NXPE1: variants seen among roughly 807,000 people sequenced by gnomAD.
NXPE1 encodes the protein NXPE family member 1.
Under a neutral mutation model 33.3 loss-of-function variants are expected in NXPE1, and 31 were observed. That is an observed-to-expected ratio of 0.93 (90% confidence interval 0.70 to 1.26). The LOEUF is 1.26. Ranked by LOEUF, NXPE1 falls within the 50% of genes most tolerant of loss-of-function variation. The pLI is 0.00. For missense variants in NXPE1, 661 were observed against 655.6 expected, an observed-to-expected ratio of 1.01 and a Z score of -0.09; for synonymous variants, 229 against 231.4, an observed-to-expected ratio of 0.99 and a Z score of 0.09.
At chr11:114,528,402 C>CT (rs1471139926) in intron 6 of NXPE1, among the ~76,000 whole-genome samples, 1 of 152,166 alleles carries the variant, frequency 6.6e-6, no homozygotes, top group Non-Finnish European at 1.5e-5. Flanking sequence ...GGAATCCAGC[C>CT]TTTTTGGGTG....
chr11:114,553,789 G>C, intron 1 of NXPE1: 1 of 982,448 alleles, frequency 1.0e-6, no homozygotes, highest in Non-Finnish European at 1.2e-6. Flanking sequence ...CCCAGCCTTT[G>C]CTGGCTTATG....
chr11:114,527,314 C>T (rs1947399813), intron 7 of NXPE1: 1 of 152,166 alleles, frequency 6.6e-6, no homozygotes, highest in African/African-American at 2.4e-5. Context: ...AAGTAAGTAT[C>T]ATGATGGATG....
chr11:114,536,544 T>C (rs1372686937), intron 5 of NXPE1, among the ~76,000 whole-genome samples: 4 of 151,468 alleles, frequency 2.6e-5, no homozygotes, highest in Admixed American at 6.6e-5. Context: ...GCAAGACTAA[T>C]AAAGAAGAAA....
intron 2 of NXPE1, among the ~76,000 whole-genome samples, chr11:114,552,497 A>G (rs999194560): frequency 3.3e-5 from 5 of 152,202 alleles, no homozygotes; most frequent in Non-Finnish European, 5.9e-5. Flanking sequence ...TCAAAACAGA[A>G]TCCCGATTTT....
At chr11:114,554,335 C>G (rs1357577906) in intron 1 of NXPE1, 2 of 985,102 alleles carry the variant, frequency 2.0e-6, no homozygotes, top group African/African-American at 3.5e-5. Flanking sequence ...TCTCTTTCCT[C>G]TTCCTACTTG....
rs1459209911 is a variant in NXPE1 at position 114,559,875 on chromosome 11, A to C, written c.-288T>G. 1 of 152,016 alleles carries C rather than the reference A, an allele frequency of 6.6e-6. No homozygotes were observed. The highest frequency in any genetic ancestry group is 1.5e-5 in the Non-Finnish European group (1 of 68,018). The allele number at this position is 152,016 out of a possible 1,614,324, so 9.4% of individuals were successfully genotyped here. A position where few individuals can be genotyped will look rare whatever the true frequency, so the allele number is the denominator to read the frequency against. Reference sequence around the variant, plus strand: ...TTAACTGGCTCTTGTGGCTGTGTAAAATGTTTTTGTTCCTTGTCTGTGAAC... The same window carrying C: ...TTAACTGGCTCTTGTGGCTGTGTAACATGTTTTTGTTCCTTGTCTGTGAAC... On this transcript the variant is annotated 5_prime_UTR_variant, in exon 1 of 9. It adds an upstream start codon to the 5' untranslated region. Transcript: ENST00000534921.
chr11:114,554,032 C>T (rs1275449557), intron 1 of NXPE1: 2 of 985,336 alleles, frequency 2.0e-6, no homozygotes, highest in African/African-American at 1.7e-5. Flanking sequence ...ATGTCTTCTA[C>T]TTTTTCTTCT....
At chr11:114,530,572 G>A in exon 6 of NXPE1, 1 of 1,613,962 alleles carries the variant, frequency 6.2e-7, no homozygotes, top group Non-Finnish European at 8.5e-7. Flanking sequence ...GTCAGTGCTG[G>A]GGAGGACATC....
At chr11:114,539,779 A>G (rs11215048) in intron 5 of NXPE1, among the ~76,000 whole-genome samples, 34,420 of 152,006 alleles carry the variant, frequency 0.23, 5,488 homozygotes, top group African/African-American at 0.44. Flanking sequence ...CAAATAAACC[A>G]ATCAAAAGAA....
At chr11:114,528,132 G>T (rs1233634335) in intron 6 of NXPE1, among the ~76,000 whole-genome samples, 2 of 152,144 alleles carry the variant, frequency 1.3e-5, no homozygotes, top group Non-Finnish European at 2.9e-5. Flanking sequence ...TCTGCCACAT[G>T]TAATCAGTGT....
At chr11:114,557,515 T>A (rs932626740) in intron 1 of NXPE1, among the ~76,000 whole-genome samples, 3 of 151,230 alleles carry the variant, frequency 2.0e-5, no homozygotes, top group Non-Finnish European at 4.4e-5. Context: ...GGACTGGAAC[T>A]ACTGGGCTCA....
At chr11:114,547,911 G>T (rs1411448180) in intron 5 of NXPE1, among the ~76,000 whole-genome samples, 1 of 152,030 alleles carries the variant, frequency 6.6e-6, no homozygotes, top group Admixed American at 6.6e-5. Flanking sequence ...TGGGTACAGG[G>T]TATAGAAGAA....
At chr11:114,544,635 C>T (rs975045558) in intron 5 of NXPE1, among the ~76,000 whole-genome samples, 3 of 152,106 alleles carry the variant, frequency 2.0e-5, no homozygotes, top group Non-Finnish European at 4.4e-5. Flanking sequence ...AGAAAACACA[C>T]ATGAAAATCT....
intron 7 of NXPE1, among the ~76,000 whole-genome samples, chr11:114,527,456 T>C (rs57269999): frequency 0.019 from 2,900 of 152,272 alleles, 95 homozygotes; most frequent in African/African-American, 0.067. Flanking sequence ...CCATATAAAA[T>C]TGGTAATTGC....
intron 1 of NXPE1, among the ~76,000 whole-genome samples, chr11:114,556,021 C>T (rs1334025914): frequency 6.6e-6 from 1 of 151,958 alleles, no homozygotes; most frequent in African/African-American, 2.4e-5. Flanking sequence ...TGGTAAGTAC[C>T]TAAGGGTGGA....
intron 5 of NXPE1, 144 bp from the exon 6 acceptor site, chr11:114,531,052 G>A (rs942694811): frequency 1.2e-6 from 1 of 832,078 alleles, no homozygotes; most frequent in Non-Finnish European, 1.7e-6. Flanking sequence ...GTAATAAAGT[G>A]GCATAATAAA....
At chr11:114,546,958 G>A (rs7938685) in intron 5 of NXPE1, among the ~76,000 whole-genome samples, 3,178 of 152,276 alleles carry the variant, frequency 0.021, 118 homozygotes, top group African/African-American at 0.073. Context: ...TCACACTGAT[G>A]TAAATGAATG....
intron 7 of NXPE1, chr11:114,527,027 G>A (rs577067083): frequency 2.6e-5 from 4 of 152,262 alleles, no homozygotes; most frequent in Admixed American, 6.5e-5. Flanking sequence ...CATAGAGTTC[G>A]TAGATTGAAT....
At chr11:114,547,875 T>C (rs554738246) in intron 5 of NXPE1, among the ~76,000 whole-genome samples, 20 of 152,204 alleles carry the variant, frequency 1.3e-4, no homozygotes, top group Non-Finnish European at 2.8e-4. Context: ...TTGGTTATGC[T>C]ACAATAATGT....
Sources: allele counts gnomAD v4.1 joint callset (sites outside exome capture counted in the v4.1 genomes callset), GRCh38; gene constraint gnomAD v4.1.1; transcripts MANE v1.5; gene names NCBI Gene and HGNC (gene_info 2026-07-23, HGNC 2026-07-21).